The following BTBD7 variants were observed in gnomAD, a reference collection of about 807,000 sequenced individuals.
BTBD7 encodes the protein BTB/POZ domain-containing protein 7.
BTBD7 carries 38 observed loss-of-function variants against 99.9 expected under a neutral mutation model. That is an observed-to-expected ratio of 0.38 (90% CI 0.29 to 0.50). The LOEUF is 0.50. BTBD7 is among the 20% of genes least tolerant of loss of function. The pLI is 0.93. For missense variants in BTBD7, 1,170 were observed against 1,394.6 expected (o/e 0.84, Z 2.57); for synonymous variants, 520 against 511.4 (o/e 1.02, Z -0.23).
At position 93,243,102 on chromosome 14, in the gene BTBD7, C is replaced by G. The variant is rs759668059; in HGVS notation, c.2584-14G>C. ...AGGTTGTGTTCGCTGCAGACAGAGA[C>G]AAAAATGGTGGGAGGGTTAAAAAAA... On this transcript the variant is annotated splice_polypyrimidine_tract_variant and intron_variant, in intron 10 of 10. Coordinates refer to ENST00000334746, the MANE Select transcript of BTBD7 (RefSeq NM_001002860.4). 9 of 1,593,568 alleles carry G rather than the reference C, an allele frequency of 5.6e-6. No homozygotes were observed. In the East Asian group the frequency reaches 2.0e-4, roughly 36 times the overall value.
At chr14:93,298,964 A>G (rs2052961597) in intron 1 of BTBD7, among the ~76,000 whole-genome samples, 1 of 152,150 alleles carries the variant, frequency 6.6e-6, no homozygotes, top group Admixed American at 6.5e-5. Context: ...CCAGAAATAC[A>G]AGTGTCTTTG....
chr14:93,260,236 A>G (rs1009558092), intron 5 of BTBD7, among the ~76,000 whole-genome samples: 1 of 152,336 alleles, frequency 6.6e-6, no homozygotes, highest in South Asian at 2.1e-4. Context: ...AACACTTCAA[A>G]CCGGTGAACT....
At chr14:93,326,700 GCT>G (rs1220835419) in intron 1 of BTBD7, among the ~76,000 whole-genome samples, 1 of 151,996 alleles carries the variant, frequency 6.6e-6, no homozygotes, top group African/African-American at 2.4e-5. Context: ...TACTTGGGAG[GCT>G]GAGGCAGGAG....
intron 3 of BTBD7, among the ~76,000 whole-genome samples, chr14:93,267,705 T>C (rs1305692661): frequency 1.3e-5 from 2 of 152,208 alleles, no homozygotes. Context: ...GAGATCTCAG[T>C]ACTATTATTG....
At chr14:93,298,187 G>A (rs768037499) in intron 1 of BTBD7, among the ~76,000 whole-genome samples, 40 of 152,184 alleles carry the variant, frequency 2.6e-4, no homozygotes, top group Admixed American at 1.2e-3. Context: ...CTTCAGAAGC[G>A]GACAAGAATT....
intron 3 of BTBD7, among the ~76,000 whole-genome samples, chr14:93,273,497 T>C (rs118078717): frequency 6.6e-6 from 1 of 152,184 alleles, no homozygotes; most frequent in Non-Finnish European, 1.5e-5. Context: ...AAAGGAGATA[T>C]GAAAGAAAGC....
intron 1 of BTBD7, among the ~76,000 whole-genome samples, chr14:93,301,898 G>T (rs778820538): frequency 3.3e-5 from 5 of 152,182 alleles, no homozygotes; most frequent in Non-Finnish European, 5.9e-5. Context: ...GTGCTAGAGC[G>T]CAAGGGAGAC....
intron 3 of BTBD7, among the ~76,000 whole-genome samples, chr14:93,267,008 T>C (rs1253781437): frequency 6.6e-6 from 1 of 152,186 alleles, no homozygotes; most frequent in African/African-American, 2.4e-5. Flanking sequence ...AGGACCTCTG[T>C]TGGCCTGTTG....
At chr14:93,261,048 T>C (rs1396603638) in intron 5 of BTBD7, among the ~76,000 whole-genome samples, 3 of 152,110 alleles carry the variant, frequency 2.0e-5, no homozygotes, top group Non-Finnish European at 4.4e-5. Context: ...GTGCCACGAC[T>C]TCCCACTAAT....
rs1181975566 is a variant in BTBD7, at chr14:93,239,440, T to C, written c.*2833A>G. On this transcript the variant is annotated 3_prime_UTR_variant, in exon 11 of 11. Transcript: ENST00000334746. Reference sequence around the variant, plus strand: ...CCCATGGCCTAAATTTTATTTTATATATATATATGCTTTTTTTTTTTTTCT... The same window carrying C: ...CCCATGGCCTAAATTTTATTTTATACATATATATGCTTTTTTTTTTTTTCT... 6.6e-6 allele frequency: 1 copy of C among 151,870 alleles called. No homozygotes were observed. Among genetic ancestry groups the C allele is most frequent in the African/African-American group, 2.4e-5 (1 of 41,210 alleles). The allele number at this position is 151,870 out of a possible 1,614,324, so 9.4% of individuals were successfully genotyped here.
intron 3 of BTBD7, among the ~76,000 whole-genome samples, chr14:93,287,329 C>T (rs1163669829): frequency 1.5e-5 from 2 of 135,104 alleles, no homozygotes; most frequent in African/African-American, 2.7e-5. Flanking sequence ...CCCGCCCCCC[C>T]ACCCCGTCCT....
At chr14:93,279,883 G>A (rs188470055) in intron 3 of BTBD7, among the ~76,000 whole-genome samples, 187 of 152,290 alleles carry the variant, frequency 1.2e-3, no homozygotes, top group African/African-American at 4.3e-3. Flanking sequence ...GCTTATTTGA[G>A]TTGATAGGCT....
At chr14:93,257,771 C>T (rs1331496057) in intron 5 of BTBD7, among the ~76,000 whole-genome samples, 2 of 152,208 alleles carry the variant, frequency 1.3e-5, no homozygotes, top group African/African-American at 4.8e-5. Flanking sequence ...TCAGTATGCT[C>T]ATTAGCCTAC....
chr14:93,268,871 G>A lies in BTBD7; in HGVS notation c.1163-4878C>T, dbSNP rs527546212. Among the ~76,000 whole-genome samples the A allele has an allele frequency of 1.2e-4, 18 of 149,260 alleles. No individual in the cohort carries two copies. In the South Asian group the frequency reaches 2.3e-3, roughly 19 times the overall value. On this transcript the variant is annotated intron_variant, in intron 3 of 10. Transcript: ENST00000334746. ...CCTCCTGGGTTCAAGGGATTCTCCC[G>A]TCTCAGCCTCCTGAGTAGCTGGGAT...
chr14:93,309,381 A>G (rs546520729), intron 1 of BTBD7, among the ~76,000 whole-genome samples: 5 of 149,770 alleles, frequency 3.3e-5, no homozygotes, highest in African/African-American at 9.9e-5. Flanking sequence ...GGCCTAGGCG[A>G]CAAGGGCAAA....
chr14:93,321,917 G>A (rs1555393704), intron 1 of BTBD7, among the ~76,000 whole-genome samples: 2 of 152,108 alleles, frequency 1.3e-5, no homozygotes, highest in Non-Finnish European at 2.9e-5. Flanking sequence ...CGAGAAGAAT[G>A]CCAAAATAAT....
At chr14:93,260,397 G>A (rs1566839572) in intron 5 of BTBD7, among the ~76,000 whole-genome samples, 1 of 152,158 alleles carries the variant, frequency 6.6e-6, no homozygotes, top group African/African-American at 2.4e-5. Context: ...AGGTGGGTGG[G>A]CTAACCCTAC....
At chr14:93,328,686 CG>C in intron 1 of BTBD7, among the ~76,000 whole-genome samples, 1 of 147,972 alleles carries the variant, frequency 6.8e-6, no homozygotes, top group East Asian at 2.0e-4. Context: ...TGGGTTGAGG[CG>C]GGAGGACCAC....
rs1036998663 is a variant in BTBD7 at position 93,248,804 on chromosome 14, T to C, written c.1943-150A>G. On this transcript the variant is annotated intron_variant, in intron 8 of 10. Transcript: ENST00000334746. Reference sequence around the variant, plus strand: ...AATTTCCTGGGAACACATTCATTTATATATCTCTAATTATTTTTCAAGGTT... The same window carrying C: ...AATTTCCTGGGAACACATTCATTTACATATCTCTAATTATTTTTCAAGGTT... The C allele has an allele frequency of 2.4e-5, 18 of 748,884 alleles. No homozygotes were observed. The African/African-American group carries it at 3.2e-4, about 13-fold the overall frequency. The allele number at this position is 748,884 out of a possible 1,614,324, so 46.4% of individuals were successfully genotyped here.
Sources: gnomAD v4.1 joint callset for allele counts (sites outside exome capture counted in the v4.1 genomes callset) on GRCh38, gnomAD v4.1.1 for gene constraint, MANE v1.5 for transcripts, NCBI Gene and HGNC (gene_info 2026-07-23, HGNC 2026-07-21) for gene names.